Variants in GSE1 observed in about 807,000 individuals in gnomAD.
The protein encoded by GSE1 is Gse1 coiled-coil protein.
Under a neutral mutation model 112.6 loss-of-function variants are expected in GSE1, and 32 were observed. The observed-to-expected ratio is 0.28, with a 90% CI of 0.21 to 0.38. GSE1 has a LOEUF of 0.38. GSE1 is among the 10% of genes least tolerant of loss of function. The probability of loss-of-function intolerance (pLI) is 1.00; values close to 1 mark genes in which losing one functional copy is unlikely to be tolerated. For missense variants in GSE1, 2,348 were observed against 1,699.2 expected (o/e 1.38, Z -6.71); for synonymous variants, 1,115 against 735.6 (o/e 1.52, Z -8.35).
intron 1 of GSE1, among the ~76,000 whole-genome samples, chr16:85,177,899 C>T (rs753050981): frequency 6.6e-6 from 1 of 152,168 alleles, no homozygotes; most frequent in Non-Finnish European, 1.5e-5. Flanking sequence ...TCCTGCCTCC[C>T]GTCCCTGTGT....
At chr16:85,450,050 C>T (rs907197351) in intron 2 of GSE1, among the ~76,000 whole-genome samples, 1 of 151,876 alleles carries the variant, frequency 6.6e-6, no homozygotes, top group Non-Finnish European at 1.5e-5. Context: ...ACCCAGCTGT[C>T]CCCATGTAAT....
chr16:85,169,918 G>T (rs1213839974), exon 1 of GSE1: 1 of 984,462 alleles, frequency 1.0e-6, no homozygotes, highest in Non-Finnish European at 1.2e-6. Context: ...CCGTGGCGGC[G>T]CCGGGGCCCC....
At chr16:85,454,716 C>T (rs2049777034) in intron 2 of GSE1, among the ~76,000 whole-genome samples, 4 of 152,204 alleles carry the variant, frequency 2.6e-5, no homozygotes. Flanking sequence ...CCATGCTTGG[C>T]AAGGAGGCTT....
intron 2 of GSE1, among the ~76,000 whole-genome samples, chr16:85,467,216 C>T (rs950511553): frequency 3.3e-5 from 5 of 152,072 alleles, no homozygotes; most frequent in East Asian, 1.9e-4. Flanking sequence ...AGCGAGGGGC[C>T]GGAGCGAGCC....
At chr16:85,340,509 T>C (rs2046602481) in intron 1 of GSE1, among the ~76,000 whole-genome samples, 2 of 152,008 alleles carry the variant, frequency 1.3e-5, no homozygotes, top group African/African-American at 2.4e-5. Context: ...GGTGTGGTAG[T>C]GCACACCTGT....
At chr16:85,569,949 G>C (rs879684019) in intron 1 of GSE1, among the ~76,000 whole-genome samples, 12 of 152,200 alleles carry the variant, frequency 7.9e-5, no homozygotes, top group Non-Finnish European at 1.5e-4. Flanking sequence ...GGGTGGAGGT[G>C]GGGGTTTCAA....
intron 1 of GSE1, among the ~76,000 whole-genome samples, chr16:85,193,810 T>A (rs537728501): frequency 3.5e-4 from 53 of 152,198 alleles, no homozygotes; most frequent in Non-Finnish European, 6.5e-4. Flanking sequence ...CCTGCAGTTG[T>A]GAGAAATAAT....
chr16:85,169,853 A>G (rs1597705335), exon 1 of GSE1: 3 of 984,414 alleles, frequency 3.0e-6, no homozygotes, highest in Non-Finnish European at 3.6e-6. Flanking sequence ...CCGGTGGACA[A>G]GCGCATGTAC....
chr16:85,238,902 A>C (rs1026822678), intron 1 of GSE1, among the ~76,000 whole-genome samples: 3 of 151,762 alleles, frequency 2.0e-5, no homozygotes, highest in Admixed American at 1.3e-4. Flanking sequence ...CGCCACCTGC[A>C]CACCCGGGCC....
At chr16:85,471,017 G>A (rs1037603920) in intron 2 of GSE1, among the ~76,000 whole-genome samples, 2 of 152,192 alleles carry the variant, frequency 1.3e-5, no homozygotes, top group South Asian at 2.1e-4. Flanking sequence ...GAGGGCGCTG[G>A]GGGCTCCTAC....
chr16:85,363,889 C>T (rs1457856674), intron 2 of GSE1, among the ~76,000 whole-genome samples: 1 of 152,200 alleles, frequency 6.6e-6, no homozygotes, highest in Non-Finnish European at 1.5e-5. Flanking sequence ...AAGGTCCCTT[C>T]CCTCTGCCTG....
At chr16:85,587,023 C>T (rs1292029121) in intron 1 of GSE1, among the ~76,000 whole-genome samples, 1 of 152,200 alleles carries the variant, frequency 6.6e-6, no homozygotes, top group South Asian at 2.1e-4. Flanking sequence ...CTCGCATCAC[C>T]CCTCTAAGAT....
chr16:85,178,554 G>A (rs931353931), intron 1 of GSE1, among the ~76,000 whole-genome samples: 3 of 152,124 alleles, frequency 2.0e-5, no homozygotes, highest in African/African-American at 7.2e-5. Flanking sequence ...GCTTCTAGCA[G>A]ATTCAAGTGC....
chr16:85,482,656 T>C (rs9929022), intron 2 of GSE1, among the ~76,000 whole-genome samples: 102,934 of 152,168 alleles, frequency 0.68, 36,004 homozygotes, highest in African/African-American at 0.86. Flanking sequence ...CACCCCCGTC[T>C]GCAAATCCAG....
chr16:85,562,725 G>T (rs761645723), intron 1 of GSE1, among the ~76,000 whole-genome samples: 3 of 152,316 alleles, frequency 2.0e-5, no homozygotes, highest in Admixed American at 6.5e-5. Flanking sequence ...ACACGTGTTG[G>T]GGGGAGCGGT....
At chr16:85,424,058 GC>G (rs773749845) in intron 2 of GSE1, among the ~76,000 whole-genome samples, 123 of 152,372 alleles carry the variant, frequency 8.1e-4, no homozygotes, top group Admixed American at 1.5e-3. Context: ...ATGCCCCACA[GC>G]CCAGACCTCA....
At chr16:85,532,391 G>C (rs2151185903) in intron 2 of GSE1, among the ~76,000 whole-genome samples, 1 of 152,292 alleles carries the variant, frequency 6.6e-6, no homozygotes, top group South Asian at 2.1e-4. Context: ...CTCCCGAGTA[G>C]CTGGAACCAC....
chr16:85,579,144 G>C (rs1176857756), intron 1 of GSE1, among the ~76,000 whole-genome samples: 1 of 152,182 alleles, frequency 6.6e-6, no homozygotes, highest in Non-Finnish European at 1.5e-5. Context: ...GGTGGTGTCA[G>C]CTTGGAGCTT....
chr16:85,296,788 C>G (rs2045379333), intron 1 of GSE1, among the ~76,000 whole-genome samples: 1 of 151,376 alleles, frequency 6.6e-6, no homozygotes, highest in South Asian at 2.1e-4. Context: ...TTACAGAGAC[C>G]CTGGGAGGAA....
Sources: allele counts gnomAD v4.1 joint callset (sites outside exome capture counted in the v4.1 genomes callset), GRCh38; gene constraint gnomAD v4.1.1; transcripts MANE v1.5; gene names NCBI Gene and HGNC (gene_info 2026-07-23, HGNC 2026-07-21).